PHF14: variants seen among roughly 807,000 people sequenced by gnomAD.
PHF14 encodes PHD finger protein 14.
Under a neutral mutation model 117.9 loss-of-function variants are expected in PHF14, and 55 were observed. The ratio of observed to expected loss-of-function variants is 0.47; its 90% CI spans 0.38 to 0.58. PHF14 has a LOEUF of 0.58. Ranked by LOEUF, PHF14 falls within the 20% of genes least tolerant of loss-of-function variation. The probability of loss-of-function intolerance (pLI) is 0.00; values close to 1 mark genes in which losing one functional copy is unlikely to be tolerated. For missense variants in PHF14, 978 were observed against 1,122.2 expected, an observed-to-expected ratio of 0.87 and a Z score of 1.84; for synonymous variants, 409 against 368.6, an observed-to-expected ratio of 1.11 and a Z score of -1.26.
In PHF14 at chr7:10,982,667, A is replaced by C; in HGVS notation, c.408A>C (p.Glu136Asp). 3 of 1,579,550 alleles carry C rather than the reference A, an allele frequency of 1.9e-6. No individual in the cohort carries two copies. The highest frequency in any genetic ancestry group is 1.7e-6 in the Non-Finnish European group (2 of 1,162,388). Residue 136 changes from glutamate to aspartate, a missense_variant, in exon 3 of 18, where the codon GAA becomes GAC. Coordinates refer to ENST00000634607, the MANE Select transcript of PHF14 (RefSeq NM_001007157.2). ...EKEKEREKEK[E>D]KATVSENVAA... ...AGAAGGAAAGAGAGAAGGAAAAAGA[A>C]AAAGCAACAGTATCTGAGAATGTGG... is the stretch of plus-strand genomic sequence containing the variant.
chr7:10,974,141 G>T lies in PHF14; in HGVS notation c.-183G>T, dbSNP rs926417683. On this transcript the variant is annotated 5_prime_UTR_variant, in exon 1 of 18. Coordinates refer to ENST00000634607, the MANE Select transcript of PHF14 (RefSeq NM_001007157.2). ...GGCCAGGGCCAGGCGAGGCCGGGGGGGCGGGGGGTTAGGGGACCGCGGGGC... is the reference window on the plus strand; with the variant it reads ...GGCCAGGGCCAGGCGAGGCCGGGGGTGCGGGGGGTTAGGGGACCGCGGGGC... 8.3e-6 allele frequency: 5 copies of T among 603,270 alleles called. No homozygotes were observed. Among genetic ancestry groups the T allele is most frequent in the African/African-American group, 3.7e-5 (2 of 54,050 alleles). The allele number at this position is 603,270 out of a possible 1,614,324, so 37.4% of individuals were successfully genotyped here.
Position 11,013,771 on chromosome 7 carries a change from G to GTGA in PHF14, c.1071_1073dup (p.Asp358dup). The GTGA allele has an allele frequency of 6.3e-7, 1 of 1,587,910 alleles. No individual in the cohort carries two copies. Among genetic ancestry groups the GTGA allele is most frequent in the Non-Finnish European group, 8.6e-7 (1 of 1,162,124 alleles). On this transcript the variant is annotated inframe_insertion, in exon 5 of 18. Coordinates refer to ENST00000634607, the MANE Select transcript of PHF14 (RefSeq NM_001007157.2). ...GGTTGTTATGGAGTTGATGGAGAGAGTGACTCTATTATGAGTTCAGCTTCT... is the reference window on the plus strand; with the variant it reads ...GGTTGTTATGGAGTTGATGGAGAGAGTGATGACTCTATTATGAGTTCAGCTTCT...
At chr7:11,077,876 T>C (rs1043555269) in intron 16 of PHF14, among the ~76,000 whole-genome samples, 1 of 152,208 alleles carries the variant, frequency 6.6e-6, no homozygotes, top group African/African-American at 2.4e-5. Flanking sequence ...CTTCATAAAA[T>C]AAATGTCAGT....
intron 16 of PHF14, chr7:11,109,095 T>A (rs1787360759): frequency 6.6e-6 from 1 of 151,792 alleles, no homozygotes; most frequent in Non-Finnish European, 1.5e-5. Context: ...CTTAACTCAG[T>A]AGCAATTATC....
chr7:11,037,145 C>A, intron 10 of PHF14, 54 bp downstream of exon 10: 2 of 1,404,436 alleles, frequency 1.4e-6, no homozygotes, highest in South Asian at 2.9e-5. Context: ...CTGATGATTT[C>A]TTTTGTGAAT....
chr7:11,064,188 T>TA (rs1304746884), intron 16 of PHF14, among the ~76,000 whole-genome samples: 1 of 151,936 alleles, frequency 6.6e-6, no homozygotes, highest in Non-Finnish European at 1.5e-5. Context: ...CTTCTTGGGT[T>TA]AAAGAATTTT....
At chr7:11,155,137 C>T (rs1427117930) in intron 17 of PHF14, among the ~76,000 whole-genome samples, 1 of 152,092 alleles carries the variant, frequency 6.6e-6, no homozygotes, top group Non-Finnish European at 1.5e-5. Flanking sequence ...TTGTGCTAGG[C>T]TCCTCATATT....
chr7:11,159,401 T>C (rs1788959366), intron 17 of PHF14, among the ~76,000 whole-genome samples: 1 of 152,100 alleles, frequency 6.6e-6, no homozygotes, highest in Admixed American at 6.6e-5. Context: ...ATTATATTTT[T>C]AGTATTTTCT....
At chr7:11,115,165 G>C (rs1002555598) in intron 17 of PHF14, among the ~76,000 whole-genome samples, 3 of 151,750 alleles carry the variant, frequency 2.0e-5, no homozygotes, top group African/African-American at 7.3e-5. Context: ...TATTTCTCCA[G>C]TCTGCTCTTT....
intron 7 of PHF14, 185 bp from the exon 8 acceptor site, chr7:11,035,455 A>G: frequency 5.6e-6 from 2 of 359,562 alleles, no homozygotes; most frequent in South Asian, 1.0e-4. Context: ...TGAAGTTGAC[A>G]TACAAGATCA....
intron 16 of PHF14, among the ~76,000 whole-genome samples, chr7:11,098,665 C>G (rs181590353): frequency 6.6e-6 from 1 of 152,168 alleles, no homozygotes; most frequent in African/African-American, 2.4e-5. Flanking sequence ...CCACTGCACC[C>G]GGCTGTTCTT....
At chr7:11,073,387 C>T (rs1238361253) in intron 16 of PHF14, among the ~76,000 whole-genome samples, 2 of 152,218 alleles carry the variant, frequency 1.3e-5, no homozygotes, top group Admixed American at 6.5e-5. Context: ...CCCAGCCAGG[C>T]ATACATTAAA....
chr7:11,033,007 C>A (rs1373159439), intron 7 of PHF14, among the ~76,000 whole-genome samples: 3 of 151,980 alleles, frequency 2.0e-5, no homozygotes, highest in East Asian at 3.9e-4. Flanking sequence ...AATGGTAGAA[C>A]CCACCTCATG....
At chr7:11,131,586 A>G (rs984054437) in intron 17 of PHF14, among the ~76,000 whole-genome samples, 4 of 151,798 alleles carry the variant, frequency 2.6e-5, no homozygotes, top group African/African-American at 9.7e-5. Flanking sequence ...ATTTTCTCCA[A>G]TTTGCAAAAT....
intron 17 of PHF14, among the ~76,000 whole-genome samples, chr7:11,124,500 A>G (rs1026433526): frequency 1.9e-4 from 29 of 152,134 alleles, no homozygotes; most frequent in African/African-American, 6.8e-4. Flanking sequence ...AGAAGTTAAC[A>G]TTTTGTTGAG....
intron 16 of PHF14, among the ~76,000 whole-genome samples, chr7:11,078,580 A>T (rs1785956995): frequency 6.6e-6 from 1 of 152,190 alleles, no homozygotes; most frequent in Non-Finnish European, 1.5e-5. Flanking sequence ...GAAGTTAAGA[A>T]GAGAAAGAAA....
intron 14 of PHF14, among the ~76,000 whole-genome samples, chr7:11,059,073 T>C (rs1785116018): frequency 6.6e-6 from 1 of 152,186 alleles, no homozygotes; most frequent in Admixed American, 6.5e-5. Flanking sequence ...ACACCTAATA[T>C]ATGAGAAGAA....
chr7:11,145,724 A>G (rs1335976554), intron 17 of PHF14, among the ~76,000 whole-genome samples: 1 of 152,140 alleles, frequency 6.6e-6, no homozygotes, highest in Non-Finnish European at 1.5e-5. Context: ...TATACTAATG[A>G]GCATAAAAAG....
At chr7:10,990,557 A>G in intron 3 of PHF14, 146 bp from the exon 4 acceptor site, 1 of 573,692 alleles carries the variant, frequency 1.7e-6, no homozygotes, top group Non-Finnish European at 3.0e-6. Context: ...AATATAATGT[A>G]CTTTGAAGTT....
Sources: allele counts gnomAD v4.1 joint callset (sites outside exome capture counted in the v4.1 genomes callset), GRCh38; gene constraint gnomAD v4.1.1; transcripts MANE v1.5; gene names NCBI Gene and HGNC (gene_info 2026-07-23, HGNC 2026-07-21).